The following HNRNPLL variants were observed in gnomAD, a reference collection of about 807,000 sequenced individuals.
HNRNPLL encodes heterogeneous nuclear ribonucleoprotein L like, also known as heterogeneous nuclear ribonucleoprotein L-like.
Under a neutral mutation model 67.1 loss-of-function variants are expected in HNRNPLL, and 25 were observed. The observed-to-expected ratio is 0.37, with a 90% CI of 0.27 to 0.52. The LOEUF is 0.52. Among genes scored for constraint, HNRNPLL ranks in the 20% least tolerant of loss-of-function variants. The pLI is 0.90. For synonymous variants in HNRNPLL, 267 were observed against 241.7 expected (o/e 1.10, Z -0.97); for missense variants, 542 against 673.9 (o/e 0.80, Z 2.17).
At chr2:38,574,041 G>A (rs1282129821) in intron 7 of HNRNPLL, among the ~76,000 whole-genome samples, 10 of 151,824 alleles carry the variant, frequency 6.6e-5, no homozygotes, top group Non-Finnish European at 1.5e-4. Flanking sequence ...TTTTGAAACA[G>A]TATCAAGAAC....
intron 2 of HNRNPLL, 64 bp from the exon 3 acceptor site, chr2:38,585,945 CAATT>C (rs1048860996): frequency 1.0e-6 from 1 of 969,962 alleles, no homozygotes; most frequent in Non-Finnish European, 1.7e-6. Flanking sequence ...TATTTGTCCT[CAATT>C]AAGTAAAAGC....
intron 12 of HNRNPLL, among the ~76,000 whole-genome samples, chr2:38,564,709 G>T (rs1435177024): frequency 6.6e-6 from 1 of 151,628 alleles, no homozygotes; most frequent in Non-Finnish European, 1.5e-5. Context: ...ATGAAGGCAG[G>T]GACTTTGTTC....
chr2:38,579,651 C>T (rs879730121), intron 6 of HNRNPLL, among the ~76,000 whole-genome samples: 1 of 151,538 alleles, frequency 6.6e-6, no homozygotes, highest in Non-Finnish European at 1.5e-5. Flanking sequence ...GGTTCCCTGG[C>T]GTCCTGGTTA....
intron 2 of HNRNPLL, among the ~76,000 whole-genome samples, chr2:38,586,483 G>T (rs1174962381): frequency 6.6e-6 from 1 of 152,182 alleles, no homozygotes; most frequent in South Asian, 2.1e-4. Flanking sequence ...CTCCGAAGCA[G>T]TATTAGAAAA....
chr2:38,587,231 T>G (rs1162583872), intron 2 of HNRNPLL, among the ~76,000 whole-genome samples: 1 of 152,192 alleles, frequency 6.6e-6, no homozygotes, highest in Non-Finnish European at 1.5e-5. Flanking sequence ...CAAATTATTA[T>G]TATAGTAAAT....
At chr2:38,576,867 T>C (rs1375802552) in intron 7 of HNRNPLL, among the ~76,000 whole-genome samples, 1 of 151,946 alleles carries the variant, frequency 6.6e-6, no homozygotes, top group Non-Finnish European at 1.5e-5. Context: ...ATAAGAACAA[T>C]AGTTTGATAC....
intron 1 of HNRNPLL, among the ~76,000 whole-genome samples, chr2:38,594,203 C>CA (rs1690284876): frequency 6.6e-6 from 1 of 151,832 alleles, no homozygotes; most frequent in Non-Finnish European, 1.5e-5. Flanking sequence ...AAAAAACAAA[C>CA]AAAAAAACCA....
chr2:38,568,699 T>G (rs1226007271), intron 10 of HNRNPLL, among the ~76,000 whole-genome samples: 2 of 152,038 alleles, frequency 1.3e-5, no homozygotes, highest in African/African-American at 4.8e-5. Flanking sequence ...ATTCTCAGAG[T>G]TGACCAGGAT....
rs1666001508 is a variant in HNRNPLL at position 38,569,789 on chromosome 2, AAGAT to A, written c.1214+11_1214+14del. 2 of 1,291,704 alleles carry A rather than the reference AAGAT, an allele frequency of 1.5e-6. No individual in the cohort carries two copies. Among genetic ancestry groups the A allele is most frequent in the Non-Finnish European group, 2.2e-6 (2 of 922,620 alleles). The allele number at this position is 1,291,704 out of a possible 1,614,324, so 80.0% of individuals were successfully genotyped here. On this transcript the variant is annotated intron_variant, in intron 9 of 12. Transcript: ENST00000449105. ...AAATATTTTTTAAAATTTATCATTT[AAGAT>A]AGATAATTACCAAACATTAAGTCTT...
At chr2:38,572,212 A>ATGTTTTGTTT (rs55761392) in intron 8 of HNRNPLL, among the ~76,000 whole-genome samples, 229 of 151,322 alleles carry the variant, frequency 1.5e-3, no homozygotes, top group African/African-American at 5.2e-3. Flanking sequence ...CAAATGTGGA[A>ATGTTTTGTTT]TGTTTTGTTT....
chr2:38,575,553 A>C (rs1023868826), intron 7 of HNRNPLL, among the ~76,000 whole-genome samples: 7 of 151,884 alleles, frequency 4.6e-5, no homozygotes, highest in Admixed American at 1.3e-4. Context: ...TGGGCTTCCC[A>C]AATTAAAAGA....
At position 38,597,177 on chromosome 2, in the gene HNRNPLL, T is replaced by C. The variant is rs567780092; in HGVS notation, c.189+5261A>G. 3.3e-5 allele frequency among the ~76,000 whole-genome samples: 5 copies of C among 152,364 alleles called. No homozygotes were observed. The East Asian group carries it at 9.6e-4, about 29-fold the overall frequency. On this transcript the variant is annotated intron_variant, in intron 1 of 12. Transcript: ENST00000449105. ...TAAACAAAGGTTCAATAAACATTAG[T>C]TGGCACATCCTACCTCATCCACATT...
At chr2:38,597,508 T>C (rs1667244111) in intron 1 of HNRNPLL, among the ~76,000 whole-genome samples, 1 of 152,168 alleles carries the variant, frequency 6.6e-6, no homozygotes, top group Non-Finnish European at 1.5e-5. Context: ...CCACGCGATG[T>C]TTAATCACAT....
Position 38,582,069 on chromosome 2 carries a change from T to C in HNRNPLL, c.729+3A>G. 6.2e-7 allele frequency: 1 copy of C among 1,610,586 alleles called. No individual in the cohort carries two copies. Among genetic ancestry groups the C allele is most frequent in the East Asian group, 2.2e-5 (1 of 44,842 alleles). ...TGGGTAGGGTGTTGAAAAAAATATT[T>C]ACCCGTGCATATTCAATTTTTAGTG... On this transcript the variant is annotated splice_donor_region_variant and intron_variant, in intron 5 of 12. Transcript: ENST00000449105.
intron 6 of HNRNPLL, among the ~76,000 whole-genome samples, chr2:38,580,697 T>A (rs1484436792): frequency 1.3e-5 from 2 of 152,210 alleles, no homozygotes; most frequent in African/African-American, 4.8e-5. Context: ...ATTCCAGAAT[T>A]GCCACACAGT....
At chr2:38,594,137 T>C (rs1667079719) in intron 1 of HNRNPLL, among the ~76,000 whole-genome samples, 1 of 152,104 alleles carries the variant, frequency 6.6e-6, no homozygotes, top group Non-Finnish European at 1.5e-5. Context: ...ATTGCGCCAC[T>C]GCACTCCAGC....
intron 2 of HNRNPLL, among the ~76,000 whole-genome samples, chr2:38,587,032 G>C (rs947096365): frequency 4.6e-5 from 7 of 152,156 alleles, no homozygotes; most frequent in Admixed American, 2.6e-4. Flanking sequence ...ACAGGAACAA[G>C]AACCTTAAAA....
At chr2:38,588,686 A>C (rs1363530277) in intron 2 of HNRNPLL, among the ~76,000 whole-genome samples, 6 of 152,316 alleles carry the variant, frequency 3.9e-5, no homozygotes, top group African/African-American at 1.4e-4. Context: ...CAATATAAAA[A>C]AACTAAAATG....
intron 6 of HNRNPLL, among the ~76,000 whole-genome samples, chr2:38,580,010 G>C (rs1347737606): frequency 1.3e-5 from 2 of 152,064 alleles, no homozygotes; most frequent in Non-Finnish European, 2.9e-5. Context: ...TATCTGACTA[G>C]AATTATATGA....
Sources: gnomAD v4.1 joint callset for allele counts (sites outside exome capture counted in the v4.1 genomes callset) on GRCh38, gnomAD v4.1.1 for gene constraint, MANE v1.5 for transcripts, NCBI Gene and HGNC (gene_info 2026-07-23, HGNC 2026-07-21) for gene names.